DPH6: variants seen among roughly 807,000 people sequenced by gnomAD.
DPH6 encodes diphthamine biosynthesis 6, also known as diphthine--ammonia ligase.
In DPH6, 33 loss-of-function variants were observed where a neutral mutation model predicts 38.2. That is an observed-to-expected ratio of 0.86 (90% CI 0.65 to 1.15). DPH6 has a LOEUF of 1.15. Ranked by LOEUF, DPH6 falls within the 50% of genes most tolerant of loss-of-function variation. The pLI, the probability that DPH6 is intolerant of heterozygous loss-of-function variation, is 0.00. For missense variants in DPH6, 325 were observed against 320.0 expected, an observed-to-expected ratio of 1.02 and a Z score of -0.12; for synonymous variants, 108 against 103.0, an observed-to-expected ratio of 1.05 and a Z score of -0.30.
At chr15:35,266,574 T>C (rs77723043) in intron 3 of DPH6, among the ~76,000 whole-genome samples, 8 of 152,214 alleles carry the variant, frequency 5.3e-5, no homozygotes, top group Non-Finnish European at 1.0e-4. Flanking sequence ...TCAGAATCTG[T>C]TCTGATTGGC....
At chr15:35,223,578 C>T (rs929149946) in intron 3 of DPH6, among the ~76,000 whole-genome samples, 1 of 151,750 alleles carries the variant, frequency 6.6e-6, no homozygotes, top group Non-Finnish European at 1.5e-5. Flanking sequence ...CCCAGCTACT[C>T]GGGAGGCTGA....
intron 3 of DPH6, among the ~76,000 whole-genome samples, chr15:35,530,573 G>A (rs1318063394): frequency 6.6e-6 from 1 of 152,126 alleles, no homozygotes; most frequent in African/African-American, 2.4e-5. Flanking sequence ...ATGTGCATGT[G>A]CAATATATAC....
chr15:35,507,528 A>G (rs1381788602), intron 3 of DPH6, among the ~76,000 whole-genome samples: 1 of 152,106 alleles, frequency 6.6e-6, no homozygotes, highest in East Asian at 1.9e-4. Flanking sequence ...AATAACAGTG[A>G]AATAAAAATT....
At chr15:35,227,525 A>AT (rs1042450358) in intron 3 of DPH6, among the ~76,000 whole-genome samples, 14 of 150,774 alleles carry the variant, frequency 9.3e-5, no homozygotes, top group African/African-American at 3.4e-4. Context: ...GGCTCTTCTC[A>AT]TTTTTTTTCC....
the DPH6 span, among the ~76,000 whole-genome samples, chr15:35,169,378 G>T: frequency 6.6e-6 from 1 of 151,996 alleles, no homozygotes; most frequent in African/African-American, 2.4e-5. Flanking sequence ...TTTCACAAAG[G>T]ATTAAACCAT....
At chr15:35,331,392 C>G (rs1275328998) in intron 3 of DPH6, among the ~76,000 whole-genome samples, 1 of 151,670 alleles carries the variant, frequency 6.6e-6, no homozygotes, top group African/African-American at 2.4e-5. Context: ...ATAAATCTAT[C>G]ATCTTCCCGA....
In DPH6 at chr15:35,489,708, G is replaced by A. The variant is rs1225501123; in HGVS notation, c.313-34888C>T. 3.1e-6 allele frequency: 3 copies of A among 976,708 alleles called. No individual in the cohort carries two copies. In the African/African-American group the frequency reaches 5.3e-5, roughly 17 times the overall value. The allele number at this position is 976,708 out of a possible 1,614,324, so 60.5% of individuals were successfully genotyped here. On this transcript the variant is annotated intron_variant, in intron 3 of 8. Transcript: ENST00000256538. ...GATCTCTTTTGTCTAATAATAAAAG[G>A]TTAGATATTAAACCATTTTTTCTGG...
At chr15:35,465,782 C>T (rs1037204347) in intron 3 of DPH6, among the ~76,000 whole-genome samples, 1 of 152,162 alleles carries the variant, frequency 6.6e-6, no homozygotes, top group Non-Finnish European at 1.5e-5. Flanking sequence ...GTATTATTAT[C>T]TCCCATTGTG....
At chr15:35,491,444 T>TAACTTAGTGGCC (rs1408568595) in intron 3 of DPH6, among the ~76,000 whole-genome samples, 99 of 152,018 alleles carry the variant, frequency 6.5e-4, no homozygotes, top group African/African-American at 2.4e-3. Context: ...TTCTCATGAA[T>TAACTTAGTGGCC]ACTTCCTTAG....
At chr15:35,173,612 A>C in the DPH6 span, among the ~76,000 whole-genome samples, 7 of 151,876 alleles carry the variant, frequency 4.6e-5, no homozygotes, top group African/African-American at 1.7e-4. Context: ...CTAATGTCCA[A>C]ACTTCTTAGC....
chr15:35,325,925 G>A (rs1355223189), downstream of DPH6, among the ~76,000 whole-genome samples: 2 of 151,962 alleles, frequency 1.3e-5, no homozygotes, highest in East Asian at 3.9e-4. Context: ...GACACAAAAC[G>A]GCAGATAAAT....
chr15:35,187,152 C>T, the DPH6 span, among the ~76,000 whole-genome samples: 46 of 152,284 alleles, frequency 3.0e-4, no homozygotes, highest in African/African-American at 1.1e-3. Context: ...TACTAGGCTA[C>T]CTGACCCATG....
intron 3 of DPH6, among the ~76,000 whole-genome samples, chr15:35,287,382 C>G (rs1235891275): frequency 6.6e-6 from 1 of 152,108 alleles, no homozygotes; most frequent in African/African-American, 2.4e-5. Context: ...TTAAAATAGT[C>G]TGAACTAACA....
intron 3 of DPH6, among the ~76,000 whole-genome samples, chr15:35,353,359 C>T (rs961042922): frequency 2.0e-5 from 3 of 152,182 alleles, no homozygotes; most frequent in Non-Finnish European, 4.4e-5. Context: ...TTGCCCATGC[C>T]TATGTGCTGA....
intron 6 of DPH6, among the ~76,000 whole-genome samples, chr15:35,391,676 T>C (rs2053060079): frequency 6.6e-6 from 1 of 152,186 alleles, no homozygotes; most frequent in Non-Finnish European, 1.5e-5. Flanking sequence ...GTGCAGTTTG[T>C]TAAGCCCGTT....
intron 3 of DPH6, among the ~76,000 whole-genome samples, chr15:35,350,016 G>A (rs1219211263): frequency 6.6e-6 from 1 of 152,120 alleles, no homozygotes; most frequent in African/African-American, 2.4e-5. Context: ...AAGAGTTTGA[G>A]AAGGATTTTT....
chr15:35,181,722 C>T, the DPH6 span: 2 of 152,002 alleles, frequency 1.3e-5, no homozygotes, highest in African/African-American at 4.8e-5. Flanking sequence ...CAATAGTTCA[C>T]ATAGAGAGAA....
At chr15:35,503,883 G>A (rs540200265) in intron 3 of DPH6, among the ~76,000 whole-genome samples, 1 of 152,000 alleles carries the variant, frequency 6.6e-6, no homozygotes, top group Non-Finnish European at 1.5e-5. Flanking sequence ...TGGCAGCTGG[G>A]GAACCAGGTG....
chr15:35,394,859 A>C (rs1046604215), intron 6 of DPH6, among the ~76,000 whole-genome samples: 2 of 152,190 alleles, frequency 1.3e-5, no homozygotes, highest in Admixed American at 6.5e-5. Flanking sequence ...ACTCTTTTCC[A>C]GAGGTAAAAA....
Sources: allele counts gnomAD v4.1 joint callset (sites outside exome capture counted in the v4.1 genomes callset), GRCh38; gene constraint gnomAD v4.1.1; transcripts MANE v1.5; gene names NCBI Gene and HGNC (gene_info 2026-07-23, HGNC 2026-07-21).